Variants in TNNT3 observed in about 807,000 individuals in gnomAD.
The protein encoded by TNNT3 is troponin T3, fast skeletal type.
Under a neutral mutation model 54.2 loss-of-function variants are expected in TNNT3, and 36 were observed. That is an observed-to-expected ratio of 0.66 (90% CI 0.51 to 0.88). The LOEUF is 0.88. Ranked by LOEUF, TNNT3 falls within the 40% of genes least tolerant of loss-of-function variation. The pLI is 0.00. For synonymous variants in TNNT3, 120 were observed against 109.7 expected (o/e 1.09, Z -0.59); for missense variants, 291 against 331.6 (o/e 0.88, Z 0.95).
In TNNT3 at chr11:1,933,855, G is replaced by C; in HGVS notation, c.288+18G>C. 6.2e-7 allele frequency: 1 copy of C among 1,611,966 alleles called. No homozygotes were observed. The highest frequency in any genetic ancestry group is 8.5e-7 in the Non-Finnish European group (1 of 1,179,242). On this transcript the variant is annotated intron_variant, in intron 10 of 15. Transcript: ENST00000278317. ...AGAGAATCGTGAGTGGGGCAGTTCA[G>C]GTTGCAGCAGGGGCTGGTGGACTCC...
At position 1,936,959 on chromosome 11, in the gene TNNT3, A is replaced by G; in HGVS notation, c.682-4A>G. On this transcript the variant is annotated splice_polypyrimidine_tract_variant and splice_region_variant and intron_variant, in intron 14 of 15. Coordinates refer to ENST00000278317, the MANE Select transcript of TNNT3 (RefSeq NM_006757.4). ...TCGCAGTGAGTCACTCATGTTGTTCACAGATCACCACGCTCAGGAGCCGCA... is the reference window on the plus strand; with the variant it reads ...TCGCAGTGAGTCACTCATGTTGTTCGCAGATCACCACGCTCAGGAGCCGCA... 6.2e-7 allele frequency: 1 copy of G among 1,605,856 alleles called. No homozygotes were observed. Among genetic ancestry groups the G allele is most frequent in the Non-Finnish European group, 8.5e-7 (1 of 1,177,536 alleles).
chr11:1,937,355 G>T lies in TNNT3; in HGVS notation c.722+352G>T, dbSNP rs150089661. On this transcript the variant is annotated intron_variant, in intron 15 of 15. Transcript: ENST00000278317. The stretch of plus-strand genomic sequence containing the variant: ...GGGGGGCCTTTGGTGTGGCCAACCT[G>T]GGCCCCAGGGTATCCCGCCAGTGTC... 1.8e-3 allele frequency among the ~76,000 whole-genome samples: 280 copies of T among 152,246 alleles called. 2 individuals carry two copies. Among genetic ancestry groups the T allele is most frequent in the African/African-American group, 6.5e-3 (272 of 41,554 alleles).
chr11:1,926,229 C>T (rs935890662), intron 5 of TNNT3, among the ~76,000 whole-genome samples: 11 of 152,234 alleles, frequency 7.2e-5, no homozygotes, highest in Admixed American at 1.3e-4. Context: ...CCCGGCCATC[C>T]TCTGAGCCTC....
At chr11:1,929,967 G>A in intron 8 of TNNT3, 139 bp downstream of exon 8, 2 of 1,201,434 alleles carry the variant, frequency 1.7e-6, no homozygotes, top group Non-Finnish European at 2.4e-6. Context: ...GGTCCTGGCA[G>A]GCCCAGCGCC....
At chr11:1,937,695 C>A (rs1181875677) in intron 15 of TNNT3, among the ~76,000 whole-genome samples, 1 of 152,226 alleles carries the variant, frequency 6.6e-6, no homozygotes, top group Non-Finnish European at 1.5e-5. Flanking sequence ...ATTCTTCTCC[C>A]TCCTCCTGTC....
intron 8 of TNNT3, 79 bp from the exon 9 acceptor site, chr11:1,932,390 C>T: frequency 7.0e-7 from 1 of 1,437,922 alleles, no homozygotes; most frequent in South Asian, 1.1e-5. Flanking sequence ...TGGCAGGGGC[C>T]AGCGGGGAAA....
chr11:1,936,913 G>T (rs1007958687), intron 14 of TNNT3, 50 bp from the exon 15 acceptor site: 2 of 1,570,552 alleles, frequency 1.3e-6, no homozygotes, highest in Admixed American at 1.8e-5. Context: ...CCCAGTACAC[G>T]CAGGCCTGGC....
At chr11:1,928,996 G>T (rs1298040774) in intron 6 of TNNT3, 124 bp from the exon 7 acceptor site, 18 of 1,135,114 alleles carry the variant, frequency 1.6e-5, no homozygotes, top group Non-Finnish European at 2.2e-5. Flanking sequence ...ACACCCTGGA[G>T]AAGAGAGTGT....
At chr11:1,923,203 C>T in intron 3 of TNNT3, 142 bp downstream of exon 3, 1 of 1,225,076 alleles carries the variant, frequency 8.2e-7, no homozygotes, top group South Asian at 1.2e-5. Context: ...CTGAGTGACC[C>T]CCGGAAAACA....
At chr11:1,928,831 A>G (rs1393396843) in intron 6 of TNNT3, among the ~76,000 whole-genome samples, 2 of 55,364 alleles carry the variant, frequency 3.6e-5, no homozygotes, top group Admixed American at 2.4e-4. Context: ...CAGTGCCCTT[A>G]GCCCCCCACC....
chr11:1,930,557 G>A (rs1288681358), intron 8 of TNNT3, among the ~76,000 whole-genome samples: 6 of 152,072 alleles, frequency 3.9e-5, no homozygotes, highest in African/African-American at 1.2e-4. Context: ...GCTTTTGATC[G>A]GTATTCACCA....
At position 1,929,034 on chromosome 11, in the gene TNNT3, C is replaced by T. The variant is rs372396852; in HGVS notation, c.83-86C>T. 29 of 1,515,450 alleles carry T rather than the reference C, an allele frequency of 1.9e-5. No homozygotes were observed. The South Asian group carries it at 2.1e-4, about 11-fold the overall frequency. The allele number at this position is 1,515,450 out of a possible 1,614,324, so 93.9% of individuals were successfully genotyped here. On this transcript the variant is annotated intron_variant, in intron 6 of 15. Coordinates refer to ENST00000278317, the MANE Select transcript of TNNT3 (RefSeq NM_006757.4). ...GAGTGAGAGGGGTGGGCCCCTTGCC[C>T]GCCACAGGCCCCTTGCCCACTGCTC...
chr11:1,924,148 T>C (rs558256391), intron 4 of TNNT3, among the ~76,000 whole-genome samples: 2 of 152,304 alleles, frequency 1.3e-5, no homozygotes, highest in South Asian at 4.1e-4. Flanking sequence ...CTGTCTTTCT[T>C]GGCCTCTCTG....
At chr11:1,938,285 C>T (rs879578361) in intron 15 of TNNT3, 153 bp from the exon 16 acceptor site, 30 of 831,264 alleles carry the variant, frequency 3.6e-5, no homozygotes, top group Admixed American at 3.0e-4. Context: ...GGGCACTGCC[C>T]GGACTGAAGC....
At chr11:1,929,767 CACGCTGGTGTCCCTCTCCCT>C (rs1422666588) in intron 7 of TNNT3, 23 bp from the exon 8 acceptor site, 2 of 1,551,482 alleles carry the variant, frequency 1.3e-6, no homozygotes, top group Non-Finnish European at 1.7e-6. Flanking sequence ...TCCCTCTCCC[CACGCTGGTGTCCCTCTCCCT>C]ACGCTGGTGC....
intron 14 of TNNT3, among the ~76,000 whole-genome samples, chr11:1,935,827 T>C (rs919082180): frequency 3.3e-5 from 5 of 151,916 alleles, no homozygotes; most frequent in Non-Finnish European, 5.9e-5. Flanking sequence ...GCCGGGCAAA[T>C]CCGAGCTCCT....
intron 1 of TNNT3, chr11:1,921,580 A>G (rs939556118): frequency 6.6e-6 from 1 of 152,190 alleles, no homozygotes; most frequent in African/African-American, 2.4e-5. Context: ...TGGGATAGGA[A>G]AAAGCTACCC....
Position 1,938,536 on chromosome 11 carries a change from T to G in TNNT3, c.*44T>G, listed in dbSNP as rs1384779622. 6.3e-7 allele frequency: 1 copy of G among 1,598,352 alleles called. No individual in the cohort carries two copies. Among genetic ancestry groups the G allele is most frequent in the Non-Finnish European group, 8.6e-7 (1 of 1,167,522 alleles). Reference sequence around the variant, plus strand: ...TCGAGGCAGAGACCCTCCGCCCTCTTGCACACCAGGGCCGCTCGTGGGACT... The same window carrying G: ...TCGAGGCAGAGACCCTCCGCCCTCTGGCACACCAGGGCCGCTCGTGGGACT... On this transcript the variant is annotated 3_prime_UTR_variant, in exon 16 of 16. Coordinates refer to ENST00000278317, the MANE Select transcript of TNNT3 (RefSeq NM_006757.4).
intron 15 of TNNT3, 25 bp downstream of exon 15, chr11:1,937,028 C>G: frequency 6.3e-7 from 1 of 1,577,064 alleles, no homozygotes; most frequent in Non-Finnish European, 8.6e-7. Flanking sequence ...CGTCCTCGCT[C>G]CGCACTGGGC....
Sources: allele counts gnomAD v4.1 joint callset (sites outside exome capture counted in the v4.1 genomes callset), GRCh38; gene constraint gnomAD v4.1.1; transcripts MANE v1.5; gene names NCBI Gene and HGNC (gene_info 2026-07-23, HGNC 2026-07-21).